Variants in STON1 observed in about 807,000 individuals in gnomAD.
The protein encoded by STON1 is stonin 1.
In STON1, 79 loss-of-function variants were observed where a neutral mutation model predicts 60.9. That is an observed-to-expected ratio of 1.30 (90% CI 1.08 to 1.56). The LOEUF (loss-of-function observed/expected upper bound fraction) is 1.56. Among genes scored for constraint, STON1 ranks in the 40% most tolerant of loss-of-function variants. The pLI, the probability that STON1 is intolerant of heterozygous loss-of-function variation, is 0.00. For synonymous variants in STON1, 363 were observed against 306.9 expected (o/e 1.18, Z -1.91); for missense variants, 1,166 against 858.9 (o/e 1.36, Z -4.47).
intron 2 of STON1, among the ~76,000 whole-genome samples, chr2:48,588,237 T>G (rs961228778): frequency 6.6e-6 from 1 of 152,224 alleles, no homozygotes; most frequent in Non-Finnish European, 1.5e-5. Flanking sequence ...GATCCCAGAA[T>G]GCATCTCTAT....
chr2:48,542,293 ATCAGTG>A (rs1280522955), intron 1 of STON1, among the ~76,000 whole-genome samples: 2 of 152,226 alleles, frequency 1.3e-5, no homozygotes. Context: ...TAAGAGCTTT[ATCAGTG>A]TCCTTCTATC....
intron 1 of STON1, among the ~76,000 whole-genome samples, chr2:48,572,343 A>G (rs997726168): frequency 6.6e-6 from 1 of 152,140 alleles, no homozygotes; most frequent in East Asian, 1.9e-4. Context: ...ATGAAGTTCT[A>G]TTTGGTTGAA....
At chr2:48,549,810 CAAAAA>C (rs59908100) in intron 1 of STON1, among the ~76,000 whole-genome samples, 29,735 of 77,766 alleles carry the variant, frequency 0.38, 3,955 homozygotes, top group South Asian at 0.6. Context: ...GACTCCATCT[CAAAAA>C]AAAAAAAAAA....
chr2:48,544,868 C>G (rs976946608), intron 1 of STON1, among the ~76,000 whole-genome samples: 2 of 152,156 alleles, frequency 1.3e-5, no homozygotes, highest in Admixed American at 6.5e-5. Context: ...TGCTACAAAC[C>G]TTGTTTTTGT....
At chr2:48,545,057 G>A (rs1414894480) in intron 1 of STON1, among the ~76,000 whole-genome samples, 1 of 152,184 alleles carries the variant, frequency 6.6e-6, no homozygotes, top group Non-Finnish European at 1.5e-5. Flanking sequence ...AGCAGAGGGT[G>A]CCTAATTGAG....
In STON1 at chr2:48,581,685, A is replaced by T; in HGVS notation, c.1052A>T (p.His351Leu). Residue 351 changes from histidine (H) to leucine (L), a missense_variant, in exon 2 of 4, where the codon CAT becomes CTT. By Grantham distance (99) the His-to-Leu change is moderately conservative. Transcript: ENST00000404752. ...AAAATCCACACTGTGAAGATTGAAC[A>T]TGTGTCTTACACAGAAAAAAGGAAA... is the stretch of plus-strand genomic sequence containing the variant. ...AGKIHTVKIE[H>L]VSYTEKRKYH... 1 of 1,613,306 alleles carries T rather than the reference A, an allele frequency of 6.2e-7. No individual in the cohort carries two copies. Among genetic ancestry groups the T allele is most frequent in the Non-Finnish European group, 8.5e-7 (1 of 1,179,826 alleles).
At chr2:48,563,950 C>G (rs181517590) in intron 1 of STON1, among the ~76,000 whole-genome samples, 55 of 151,250 alleles carry the variant, frequency 3.6e-4, no homozygotes, top group Admixed American at 3.6e-3. Flanking sequence ...CCACCCACCT[C>G]AGCCCTCCAA....
At chr2:48,595,089 T>C in intron 3 of STON1, 139 bp from the exon 4 acceptor site, 1 of 692,264 alleles carries the variant, frequency 1.4e-6, no homozygotes, top group Non-Finnish European at 2.6e-6. Flanking sequence ...GAAGCTACTG[T>C]AGGAGGGTAG....
At chr2:48,541,318 A>G (rs775154604) in intron 1 of STON1, among the ~76,000 whole-genome samples, 1 of 151,498 alleles carries the variant, frequency 6.6e-6, no homozygotes, top group African/African-American at 2.4e-5. Flanking sequence ...CTGCTACTGC[A>G]TCCCAGCCTG....
At chr2:48,594,677 C>A (rs958276972) in intron 3 of STON1, among the ~76,000 whole-genome samples, 1 of 152,034 alleles carries the variant, frequency 6.6e-6, no homozygotes, top group Non-Finnish European at 1.5e-5. Flanking sequence ...TCCTGGAGGA[C>A]CTCCAGGAGG....
chr2:48,558,565 C>G (rs577040737), intron 1 of STON1, among the ~76,000 whole-genome samples: 1 of 152,222 alleles, frequency 6.6e-6, no homozygotes, highest in Non-Finnish European at 1.5e-5. Context: ...GCTATGATCA[C>G]AGTGTGTGTA....
intron 1 of STON1, among the ~76,000 whole-genome samples, chr2:48,540,413 C>T (rs984967073): frequency 6.6e-6 from 1 of 152,040 alleles, no homozygotes; most frequent in Non-Finnish European, 1.5e-5. Flanking sequence ...GTTGATGCAC[C>T]CAATGCCCTG....
intron 1 of STON1, among the ~76,000 whole-genome samples, chr2:48,577,478 G>T (rs1673582944): frequency 6.6e-6 from 1 of 151,814 alleles, no homozygotes; most frequent in African/African-American, 2.4e-5. Flanking sequence ...CTACTCAGGA[G>T]GCTGAGGCAG....
chr2:48,589,706 A>G (rs1417487708), intron 2 of STON1, among the ~76,000 whole-genome samples: 2 of 152,184 alleles, frequency 1.3e-5, no homozygotes, highest in African/African-American at 2.4e-5. Flanking sequence ...TCATCGTAAA[A>G]TTTCCCCAAA....
At chr2:48,579,444 A>G in intron 1 of STON1, among the ~76,000 whole-genome samples, 1 of 151,878 alleles carries the variant, frequency 6.6e-6, no homozygotes, top group East Asian at 1.9e-4. Context: ...GTCTCAAGAT[A>G]TTTTCTAATT....
At chr2:48,564,060 C>A (rs1672724032) in intron 1 of STON1, among the ~76,000 whole-genome samples, 2 of 152,086 alleles carry the variant, frequency 1.3e-5, no homozygotes, top group African/African-American at 4.8e-5. Context: ...CCGTGACTGG[C>A]TCTGGGAAGG....
At position 48,595,215 on chromosome 2, in the gene STON1, T is replaced by A; in HGVS notation, c.2134-13T>A. 6.2e-7 allele frequency: 1 copy of A among 1,610,356 alleles called. No homozygotes were observed. The highest frequency in any genetic ancestry group is 8.5e-7 in the Non-Finnish European group (1 of 1,176,700). Reference sequence around the variant, plus strand: ...TTTGTTAATGCTGCCTGTGTTTTGCTTTTGCATAACAGGTTGAAATAGAAA... The same window carrying A: ...TTTGTTAATGCTGCCTGTGTTTTGCATTTGCATAACAGGTTGAAATAGAAA... On this transcript the variant is annotated splice_polypyrimidine_tract_variant and intron_variant, in intron 3 of 3. Transcript: ENST00000404752.
At chr2:48,541,014 C>T (rs1671628219) in intron 1 of STON1, among the ~76,000 whole-genome samples, 1 of 152,202 alleles carries the variant, frequency 6.6e-6, no homozygotes, top group Admixed American at 6.5e-5. Context: ...GACTGAGGTT[C>T]TTAACTCCTA....
At chr2:48,547,870 G>A (rs543397872) in intron 1 of STON1, among the ~76,000 whole-genome samples, 9 of 152,320 alleles carry the variant, frequency 5.9e-5, no homozygotes, top group Admixed American at 2.0e-4. Context: ...AAGAGTTTAC[G>A]CAGCACAGGG....
Sources: allele counts gnomAD v4.1 joint callset (sites outside exome capture counted in the v4.1 genomes callset), GRCh38; gene constraint gnomAD v4.1.1; transcripts MANE v1.5; gene names NCBI Gene and HGNC (gene_info 2026-07-23, HGNC 2026-07-21).